ZFP69B: variants seen among roughly 807,000 people sequenced by gnomAD.
The protein encoded by ZFP69B is zinc finger protein 69 homolog B.
A neutral mutation model predicts 19.7 loss-of-function variants in ZFP69B; 20 were observed. The ratio of observed to expected loss-of-function variants is 1.02; its 90% CI spans 0.71 to 1.48. ZFP69B has a LOEUF of 1.48. ZFP69B is among the 40% of genes most tolerant of loss of function. The probability of loss-of-function intolerance (pLI) is 0.00; values close to 1 mark genes in which losing one functional copy is unlikely to be tolerated. For synonymous variants in ZFP69B, 220 were observed against 222.7 expected (o/e 0.99, Z 0.11); for missense variants, 583 against 632.6 (o/e 0.92, Z 0.84).
At position 40,462,998 on chromosome 1, in the gene ZFP69B, G is replaced by A. The variant is rs1175383869; in HGVS notation, c.1014G>A (p.Lys338=). Residue 338 remains lysine, a synonymous_variant, in exon 5 of 5, where the codon AAG becomes AAA. Coordinates refer to ENST00000361584, the MANE Select transcript of ZFP69B (RefSeq NM_023070.3). The part of the protein sequence containing the change: ...IHTGEKPYEC[K]ECGKTFRHPS... Reference sequence around the variant, plus strand: ...CTGGTGAGAAACCCTATGAATGTAAGGAGTGTGGGAAAACCTTCAGACATC... The same window carrying A: ...CTGGTGAGAAACCCTATGAATGTAAAGAGTGTGGGAAAACCTTCAGACATC... The A allele has an allele frequency of 6.2e-7, 1 of 1,613,870 alleles. No individual in the cohort carries two copies. Among genetic ancestry groups the A allele is most frequent in the African/African-American group, 1.3e-5 (1 of 74,864 alleles).
At chr1:40,454,642 C>A (rs901140958) in intron 2 of ZFP69B, among the ~76,000 whole-genome samples, 1 of 152,112 alleles carries the variant, frequency 6.6e-6, no homozygotes, top group Admixed American at 6.5e-5. Context: ...GGTGATCCAC[C>A]CACCTCGGCC....
At chr1:40,454,427 C>T in intron 2 of ZFP69B, 139 bp downstream of exon 2, 1 of 562,610 alleles carries the variant, frequency 1.8e-6, no homozygotes, top group Non-Finnish European at 2.8e-6. Context: ...GAGACGGAGT[C>T]TCACTCTGTC....
chr1:40,456,418 ACTTCTTACCC>A (rs1434503960), intron 2 of ZFP69B, among the ~76,000 whole-genome samples: 1 of 152,178 alleles, frequency 6.6e-6, no homozygotes, highest in Non-Finnish European at 1.5e-5. Context: ...AGACACTTAT[ACTTCTTACCC>A]CAGAATGTCT....
At chr1:40,460,421 C>G (rs1172294519) in intron 4 of ZFP69B, among the ~76,000 whole-genome samples, 2 of 151,962 alleles carry the variant, frequency 1.3e-5, no homozygotes, top group African/African-American at 2.4e-5. Flanking sequence ...TTATTTGAGT[C>G]GAGGAGTTGG....
chr1:40,456,309 T>C (rs2124417427), intron 2 of ZFP69B, among the ~76,000 whole-genome samples: 1 of 152,356 alleles, frequency 6.6e-6, no homozygotes, highest in African/African-American at 2.4e-5. Flanking sequence ...CTAAATGGCA[T>C]GAGATCGTAT....
At chr1:40,460,390 C>T (rs1557513012) in intron 4 of ZFP69B, among the ~76,000 whole-genome samples, 1 of 152,278 alleles carries the variant, frequency 6.6e-6, no homozygotes, top group East Asian at 1.9e-4. Context: ...CCCAGCAACT[C>T]AGAAGGCTGA....
chr1:40,457,188 T>A (rs1645241218), intron 3 of ZFP69B, 117 bp downstream of exon 3: 1 of 1,531,622 alleles, frequency 6.5e-7, no homozygotes, highest in Non-Finnish European at 8.9e-7. Context: ...TGTTTCCTTC[T>A]GAACACCCAG....
chr1:40,462,204 G>C (rs915525438), intron 4 of ZFP69B, among the ~76,000 whole-genome samples: 1 of 152,148 alleles, frequency 6.6e-6, no homozygotes, highest in South Asian at 2.1e-4. Context: ...ATAGGCATGA[G>C]CCACCGCACC....
In ZFP69B at chr1:40,454,437, C is replaced by T. The variant is rs1336894752; in HGVS notation, c.213+149C>T. ...TTTTTGAGACGGAGTCTCACTCTGT[C>T]ACCCAGGCTGGAGTGCAGTAGCGCA... is the stretch of plus-strand genomic sequence containing the variant. On this transcript the variant is annotated intron_variant, in intron 2 of 4. Coordinates refer to ENST00000361584, the MANE Select transcript of ZFP69B (RefSeq NM_023070.3). The T allele has an allele frequency of 2.1e-5, 11 of 532,174 alleles. No homozygotes were observed. The African/African-American group carries it at 2.2e-4, about 10-fold the overall frequency. The allele number at this position is 532,174 out of a possible 1,614,324, so 33.0% of individuals were successfully genotyped here.
chr1:40,453,634 G>A (rs1645206183), intron 1 of ZFP69B, among the ~76,000 whole-genome samples: 2 of 152,206 alleles, frequency 1.3e-5, no homozygotes, highest in Non-Finnish European at 2.9e-5. Flanking sequence ...GTGGGTAGGT[G>A]TGTCCAGTGG....
intron 4 of ZFP69B, among the ~76,000 whole-genome samples, chr1:40,458,514 T>TTC (rs986761147): frequency 1.2e-4 from 11 of 95,188 alleles, no homozygotes; most frequent in Admixed American, 3.8e-4. Flanking sequence ...GAGAAATTGT[T>TTC]TTTTTTTTTT....
chr1:40,461,669 C>T (rs969381656), intron 4 of ZFP69B, among the ~76,000 whole-genome samples: 4 of 151,984 alleles, frequency 2.6e-5, no homozygotes, highest in African/African-American at 9.7e-5. Context: ...GTGGCATGTG[C>T]CTGAAGTTCT....
rs759365190 is a variant in ZFP69B at position 40,457,074 on chromosome 1, A to G, written c.340+3A>G. On this transcript the variant is annotated splice_donor_region_variant and intron_variant, in intron 3 of 4. Transcript: ENST00000361584. ...CTATGGGAACCTGGTCTCAGTGGGT[A>G]AGGATGGGCTCCTCTTGAAAATAGA... 1.3e-6 allele frequency: 2 copies of G among 1,595,958 alleles called. No individual in the cohort carries two copies. The highest frequency in any genetic ancestry group is 1.1e-5 in the South Asian group (1 of 87,844).
In ZFP69B at chr1:40,463,434, T is replaced by G; in HGVS notation, c.1450T>G (p.Phe484Val). ...TGAATGCAGTCATTGTGGGAAAGCC[T>G]TTAGGCATGATTCATCCTTTGCTAA... is the stretch of plus-strand genomic sequence containing the variant. ...PYECSHCGKAFRHDSSFAKHQ... is the reference protein window; with the variant it reads ...PYECSHCGKAVRHDSSFAKHQ... The change falls in exon 5 of 5, where the codon TTT becomes GTT. Residue 484 changes from phenylalanine to valine, a missense_variant. Coordinates refer to ENST00000361584, the MANE Select transcript of ZFP69B (RefSeq NM_023070.3). The G allele has an allele frequency of 6.2e-7, 1 of 1,614,144 alleles. No individual in the cohort carries two copies. Among genetic ancestry groups the G allele is most frequent in the East Asian group, 2.2e-5 (1 of 44,866 alleles).
At chr1:40,460,956 A>G (rs930280615) in intron 4 of ZFP69B, among the ~76,000 whole-genome samples, 1 of 139,714 alleles carries the variant, frequency 7.2e-6, no homozygotes, top group African/African-American at 2.8e-5. Flanking sequence ...ATGCCAGCTT[A>G]GCAACAGAGT....
At position 40,462,694 on chromosome 1, in the gene ZFP69B, A is replaced by C; in HGVS notation, c.710A>C (p.Glu237Ala). ...GAGAAAAGAATTAATGTGAAGTCAG[A>C]AGTTATGCCAGGACCAATAGGTCTT... ...RFEKRINVKSEVMPGPIGLPR... is the reference protein window; with the variant it reads ...RFEKRINVKSAVMPGPIGLPR... Residue 237 changes from glutamate (E) to alanine (A), a missense_variant, in exon 5 of 5, where the codon GAA becomes GCA. Physicochemically the swap from Glu to Ala is moderately radical, Grantham distance 107 (BLOSUM62 -1). Coordinates refer to ENST00000361584, the MANE Select transcript of ZFP69B (RefSeq NM_023070.3). 1 of 1,614,146 alleles carries C rather than the reference A, an allele frequency of 6.2e-7. No homozygotes were observed. Among genetic ancestry groups the C allele is most frequent in the Non-Finnish European group, 8.5e-7 (1 of 1,180,028 alleles).
At chr1:40,461,036 C>T (rs2010784) in intron 4 of ZFP69B, among the ~76,000 whole-genome samples, 16,157 of 146,956 alleles carry the variant, frequency 0.11, 979 homozygotes, top group Non-Finnish European at 0.15. Context: ...ATCCTCGCTA[C>T]TCAGGAGGCT....
chr1:40,462,197 G>C (rs1645291382), intron 4 of ZFP69B, among the ~76,000 whole-genome samples: 1 of 152,114 alleles, frequency 6.6e-6, no homozygotes, highest in South Asian at 2.1e-4. Context: ...TGGGATGATA[G>C]GCATGAGCCA....
chr1:40,454,850 C>T (rs1043359001), intron 2 of ZFP69B, among the ~76,000 whole-genome samples: 11 of 151,898 alleles, frequency 7.2e-5, no homozygotes, highest in African/African-American at 1.2e-4. Context: ...GTGCTGAGGC[C>T]GCATGTGTGT....
Sources: allele counts gnomAD v4.1 joint callset (sites outside exome capture counted in the v4.1 genomes callset), GRCh38; gene constraint gnomAD v4.1.1; transcripts MANE v1.5; gene names NCBI Gene and HGNC (gene_info 2026-07-23, HGNC 2026-07-21).